Variants in CRPPA observed in about 807,000 individuals in gnomAD.
CRPPA encodes D-ribitol-5-phosphate cytidylyltransferase.
Under a neutral mutation model 52.0 loss-of-function variants are expected in CRPPA, and 43 were observed. The ratio of observed to expected loss-of-function variants is 0.83; its 90% CI spans 0.65 to 1.07. The LOEUF (loss-of-function observed/expected upper bound fraction) is 1.07. Ranked by LOEUF, CRPPA falls within the 50% of genes least tolerant of loss-of-function variation. The probability of loss-of-function intolerance (pLI) is 0.00; values close to 1 mark genes in which losing one functional copy is unlikely to be tolerated. For missense variants in CRPPA, 629 were observed against 551.7 expected, an observed-to-expected ratio of 1.14 and a Z score of -1.40; for synonymous variants, 250 against 203.5, an observed-to-expected ratio of 1.23 and a Z score of -1.94.
intron 3 of CRPPA, among the ~76,000 whole-genome samples, chr7:16,310,649 G>T (rs181001080): frequency 2.8e-4 from 42 of 151,716 alleles, no homozygotes; most frequent in Admixed American, 8.5e-4. Flanking sequence ...TAAAAATATT[G>T]AAATTTCAGG....
intron 3 of CRPPA, among the ~76,000 whole-genome samples, chr7:16,321,590 T>G (rs1785266521): frequency 6.6e-6 from 1 of 151,974 alleles, no homozygotes; most frequent in Admixed American, 6.6e-5. Flanking sequence ...GTCCAAGAAA[T>G]ATAGGGAAGG....
intron 3 of CRPPA, among the ~76,000 whole-genome samples, chr7:16,327,249 T>C (rs1434651608): frequency 6.6e-6 from 1 of 152,166 alleles, no homozygotes; most frequent in Non-Finnish European, 1.5e-5. Context: ...CTAAGGAACA[T>C]GGCTGGCCCT....
chr7:16,286,087 T>G (rs1403859342), intron 5 of CRPPA, among the ~76,000 whole-genome samples: 1 of 15,516 alleles, frequency 6.4e-5, no homozygotes, highest in Non-Finnish European at 1.1e-4. Flanking sequence ...ATATAATATT[T>G]AAAAAAAAAA....
intron 2 of CRPPA, among the ~76,000 whole-genome samples, chr7:16,395,658 G>A (rs1279638715): frequency 6.6e-6 from 1 of 152,094 alleles, no homozygotes; most frequent in African/African-American, 2.4e-5. Flanking sequence ...ACTAAAAGTG[G>A]ATATGCAGCA....
intron 9 of CRPPA, among the ~76,000 whole-genome samples, chr7:16,154,038 G>A (rs1362213393): frequency 4.0e-5 from 6 of 149,810 alleles, no homozygotes; most frequent in Non-Finnish European, 8.9e-5. Flanking sequence ...ATGGCTTGTG[G>A]CTCTCAGGTC....
chr7:16,395,021 T>C (rs1787534234), intron 2 of CRPPA, among the ~76,000 whole-genome samples: 1 of 152,116 alleles, frequency 6.6e-6, no homozygotes, highest in Non-Finnish European at 1.5e-5. Flanking sequence ...AAATTCAAAG[T>C]ATCAAAATTA....
chr7:16,229,751 ATAT>A (rs1782742367), intron 8 of CRPPA, among the ~76,000 whole-genome samples: 1 of 152,040 alleles, frequency 6.6e-6, no homozygotes, highest in Non-Finnish European at 1.5e-5. Flanking sequence ...AAATGTTTTC[ATAT>A]TATTCATTAG....
At chr7:16,227,461 G>T (rs1354633971) in intron 8 of CRPPA, among the ~76,000 whole-genome samples, 5 of 151,654 alleles carry the variant, frequency 3.3e-5, no homozygotes, top group East Asian at 3.9e-4. Flanking sequence ...CATTGTGGTT[G>T]TGATTTACAC....
At chr7:16,332,077 C>A (rs1036694998) in intron 3 of CRPPA, among the ~76,000 whole-genome samples, 1 of 152,160 alleles carries the variant, frequency 6.6e-6, no homozygotes, top group Admixed American at 6.5e-5. Context: ...CCAGGGGAAT[C>A]AACACCTTAC....
intron 8 of CRPPA, among the ~76,000 whole-genome samples, chr7:16,229,651 A>G (rs1782739979): frequency 6.6e-6 from 1 of 152,138 alleles, no homozygotes; most frequent in Non-Finnish European, 1.5e-5. Context: ...TTGCCTTCAA[A>G]CTAGTGATAA....
chr7:16,258,078 C>G (rs1469546944), intron 8 of CRPPA, among the ~76,000 whole-genome samples: 2 of 152,034 alleles, frequency 1.3e-5, no homozygotes, highest in African/African-American at 4.8e-5. Flanking sequence ...TTAAATAAAG[C>G]TGTTTTACAT....
intron 4 of CRPPA, among the ~76,000 whole-genome samples, chr7:16,307,036 T>G (rs1323931392): frequency 2.0e-5 from 3 of 152,180 alleles, no homozygotes; most frequent in Admixed American, 1.3e-4. Flanking sequence ...CATGTTACTG[T>G]GCAAAATAAC....
chr7:16,226,847 C>T (rs1275350702), intron 8 of CRPPA, among the ~76,000 whole-genome samples: 1 of 151,780 alleles, frequency 6.6e-6, no homozygotes, highest in Non-Finnish European at 1.5e-5. Context: ...TTTTCAAGAA[C>T]GTATTAATTG....
At chr7:16,121,317 A>T (rs2128369850) in intron 9 of CRPPA, among the ~76,000 whole-genome samples, 1 of 152,214 alleles carries the variant, frequency 6.6e-6, no homozygotes, top group East Asian at 1.9e-4. Context: ...ATGATTTGGC[A>T]GCAGAAAATT....
chr7:16,116,062 T>A (rs1782364908), intron 9 of CRPPA, among the ~76,000 whole-genome samples: 1 of 152,172 alleles, frequency 6.6e-6, no homozygotes, highest in African/African-American at 2.4e-5. Flanking sequence ...AATGGTATGA[T>A]TAAAAATCGG....
rs562056530 is a variant in CRPPA at position 16,398,818 on chromosome 7, A to G, written c.534+7243T>C. ...TGATTAACATGATTGAAACGTGACC[A>G]ATACGTTTGACACGTGACTGACGCG... On this transcript the variant is annotated intron_variant, in intron 2 of 9. Coordinates refer to ENST00000407010, the MANE Select transcript of CRPPA (RefSeq NM_001101426.4). 3.1e-3 allele frequency among the ~76,000 whole-genome samples: 468 copies of G among 152,298 alleles called. 2 individuals carry two copies. The highest frequency in any genetic ancestry group is 1.0e-2 in the African/African-American group (415 of 41,578).
intron 9 of CRPPA, among the ~76,000 whole-genome samples, chr7:16,171,565 G>A (rs922615801): frequency 6.6e-6 from 1 of 152,082 alleles, no homozygotes; most frequent in Non-Finnish European, 1.5e-5. Flanking sequence ...AGGAAATCGA[G>A]ACCATCCTGG....
chr7:16,200,952 T>C (rs1441885351), intron 9 of CRPPA, among the ~76,000 whole-genome samples: 1 of 152,230 alleles, frequency 6.6e-6, no homozygotes, highest in Admixed American at 6.5e-5. Flanking sequence ...TGTTCATTTA[T>C]GTTATTTTTT....
Position 16,216,095 on chromosome 7 carries a change from A to G in CRPPA, c.1222T>C (p.Leu408=). 1 of 1,601,104 alleles carries G rather than the reference A, an allele frequency of 6.2e-7. No homozygotes were observed. ...GGGTAAGATATGAGAAGCCCATATA[A>G]CAAAATATTTCTTTCTTTTACTTCC... The part of the protein sequence containing the change: ...AKEVKERNIL[L]YGLLISYPQD... The change falls in exon 9 of 10, where the codon TTA becomes CTA. Residue 408 remains leucine, a synonymous_variant. Transcript: ENST00000407010.
Sources: gnomAD v4.1 joint callset for allele counts (sites outside exome capture counted in the v4.1 genomes callset) on GRCh38, gnomAD v4.1.1 for gene constraint, MANE v1.5 for transcripts, NCBI Gene and HGNC (gene_info 2026-07-23, HGNC 2026-07-21) for gene names.